The following BABAM2 variants were observed in gnomAD, a reference collection of about 807,000 sequenced individuals.
BABAM2 encodes BRISC and BRCA1-A complex member 2.
Under a neutral mutation model 54.7 loss-of-function variants are expected in BABAM2, and 31 were observed. The ratio of observed to expected loss-of-function variants is 0.57; its 90% CI spans 0.43 to 0.77. The LOEUF is 0.77. BABAM2 is among the 30% of genes least tolerant of loss of function. The pLI, the probability that BABAM2 is intolerant of heterozygous loss-of-function variation, is 0.00. For missense variants in BABAM2, 364 were observed against 455.8 expected (o/e 0.80, Z 1.83); for synonymous variants, 167 against 162.9 (o/e 1.03, Z -0.19).
intron 7 of BABAM2, among the ~76,000 whole-genome samples, chr2:28,212,314 A>G (rs1679538051): frequency 6.6e-6 from 1 of 152,198 alleles, no homozygotes; most frequent in Non-Finnish European, 1.5e-5. Flanking sequence ...TCATTGGGCT[A>G]TGCTTTGTTT....
At chr2:28,016,373 G>C in intron 4 of BABAM2, 1 of 1,359,132 alleles carries the variant, frequency 7.4e-7, no homozygotes, top group East Asian at 2.3e-5. Flanking sequence ...GGTAGGCCTT[G>C]ATCGATTCAG....
chr2:27,939,402 A>G (rs1184595293), intron 3 of BABAM2, among the ~76,000 whole-genome samples: 1 of 152,218 alleles, frequency 6.6e-6, no homozygotes, highest in Non-Finnish European at 1.5e-5. Context: ...CTAGCACAGT[A>G]AAGATATTCA....
intron 7 of BABAM2, among the ~76,000 whole-genome samples, chr2:28,179,698 C>T (rs1019622589): frequency 1.2e-4 from 18 of 152,110 alleles, no homozygotes; most frequent in Non-Finnish European, 2.6e-4. Context: ...TCCCTTTTTG[C>T]AGATAATGTG....
intron 2 of BABAM2, among the ~76,000 whole-genome samples, chr2:27,927,511 T>G (rs1277282018): frequency 6.6e-6 from 1 of 152,218 alleles, no homozygotes; most frequent in Non-Finnish European, 1.5e-5. Context: ...TGATGCTCAT[T>G]ACCGTCATTA....
chr2:28,315,433 TTTC>T (rs925409134), intron 11 of BABAM2, among the ~76,000 whole-genome samples: 112 of 34,518 alleles, frequency 3.2e-3, no homozygotes, highest in African/African-American at 8.6e-3. Context: ...TTTCTTTTCT[TTTC>T]TTTTCTTTTC....
At chr2:28,327,306 C>G in intron 11 of BABAM2, 3 of 1,611,696 alleles carry the variant, frequency 1.9e-6, no homozygotes, top group Non-Finnish European at 2.5e-6. Context: ...GCCTGCAGCC[C>G]GTGGGAGCAA....
chr2:28,171,477 C>T (rs1196155597), intron 7 of BABAM2, among the ~76,000 whole-genome samples: 1 of 152,156 alleles, frequency 6.6e-6, no homozygotes, highest in East Asian at 1.9e-4. Flanking sequence ...AGGATCAGTC[C>T]CTGAATGGTG....
At chr2:27,972,768 A>G (rs1416129538) in intron 3 of BABAM2, among the ~76,000 whole-genome samples, 1 of 117,738 alleles carries the variant, frequency 8.5e-6, no homozygotes, top group African/African-American at 3.2e-5. Flanking sequence ...TATTTTAATT[A>G]TTAGCTTTTT....
At chr2:28,019,895 G>T (rs1266526460) in intron 4 of BABAM2, among the ~76,000 whole-genome samples, 1 of 152,110 alleles carries the variant, frequency 6.6e-6, no homozygotes, top group East Asian at 1.9e-4. Flanking sequence ...TGGTGACTAT[G>T]GCCTTATAGT....
intron 5 of BABAM2, among the ~76,000 whole-genome samples, chr2:28,027,766 G>A (rs1018156166): frequency 6.6e-6 from 1 of 152,154 alleles, no homozygotes; most frequent in African/African-American, 2.4e-5. Context: ...GCTGCTGTAA[G>A]CATTCGTGTG....
intron 7 of BABAM2, among the ~76,000 whole-genome samples, chr2:28,232,264 G>A (rs1681481959): frequency 6.6e-6 from 1 of 152,170 alleles, no homozygotes. Context: ...TACTTGACCA[G>A]TAAGGTAAAA....
intron 10 of BABAM2, among the ~76,000 whole-genome samples, chr2:28,276,759 G>T (rs1392596747): frequency 2.0e-5 from 3 of 152,144 alleles, no homozygotes; most frequent in Non-Finnish European, 4.4e-5. Flanking sequence ...TAAAATTCTA[G>T]TTTTCATAAG....
intron 5 of BABAM2, among the ~76,000 whole-genome samples, chr2:28,043,485 A>C (rs1276603719): frequency 6.6e-6 from 1 of 152,118 alleles, no homozygotes; most frequent in Non-Finnish European, 1.5e-5. Context: ...ACACAGTGCT[A>C]AGGGAAGACT....
intron 10 of BABAM2, among the ~76,000 whole-genome samples, chr2:28,259,539 G>A (rs1400419581): frequency 6.6e-6 from 1 of 152,000 alleles, no homozygotes; most frequent in Non-Finnish European, 1.5e-5. Context: ...TGCAAATATT[G>A]GTTGAGAATA....
rs1573313239 is a variant in BABAM2 at position 27,978,571 on chromosome 2, A to C, written c.206-9422A>C. On this transcript the variant is annotated intron_variant, in intron 3 of 11. Transcript: ENST00000379624. ...TGGAGTTTCAGTCAGTAATCATTTA[A>C]TGCAGCAACTGATAAGAATAATCTA... is the stretch of plus-strand genomic sequence containing the variant. 3.3e-5 allele frequency among the ~76,000 whole-genome samples: 5 copies of C among 152,298 alleles called. No individual in the cohort carries two copies. In the South Asian group the frequency reaches 1.0e-3, roughly 32 times the overall value.
Position 28,300,803 on chromosome 2 carries a change from G to C in BABAM2, c.1088+2312G>C, listed in dbSNP as rs148888664. Reference sequence around the variant, plus strand: ...GAGTTTCAAGAGACATTTGCTTTATGTTAACACCAGTCTAAAGAAAACATC... The same window carrying C: ...GAGTTTCAAGAGACATTTGCTTTATCTTAACACCAGTCTAAAGAAAACATC... On this transcript the variant is annotated intron_variant, in intron 11 of 11. Transcript: ENST00000379624. Among the ~76,000 whole-genome samples the C allele has an allele frequency of 2.4e-3, 363 of 151,650 alleles. 2 individuals are homozygous for C. The highest frequency in any genetic ancestry group is 4.0e-3 in the Non-Finnish European group (270 of 67,572).
At chr2:28,076,558 C>T (rs998456349) in intron 6 of BABAM2, among the ~76,000 whole-genome samples, 1 of 151,866 alleles carries the variant, frequency 6.6e-6, no homozygotes, top group Non-Finnish European at 1.5e-5. Context: ...TGCAGTGGTG[C>T]GGTCTCCGCT....
intron 7 of BABAM2, among the ~76,000 whole-genome samples, chr2:28,183,520 C>A (rs1032226722): frequency 2.6e-5 from 4 of 152,102 alleles, no homozygotes; most frequent in African/African-American, 9.7e-5. Context: ...AGTAAGCGAG[C>A]AATAGCTGCC....
intron 11 of BABAM2, 79 bp from the exon 12 acceptor site, chr2:28,338,371 C>A: frequency 7.8e-7 from 1 of 1,280,280 alleles, no homozygotes. Context: ...TCTGAGTTAG[C>A]TTGAAAGCTC....
Sources: gnomAD v4.1 joint callset for allele counts (sites outside exome capture counted in the v4.1 genomes callset) on GRCh38, gnomAD v4.1.1 for gene constraint, MANE v1.5 for transcripts, NCBI Gene and HGNC (gene_info 2026-07-23, HGNC 2026-07-21) for gene names.